BBS9: variants seen among roughly 807,000 people sequenced by gnomAD.
BBS9 encodes Bardet-Biedl syndrome 9.
A neutral mutation model predicts 117.7 loss-of-function variants in BBS9; 89 were observed. The ratio of observed to expected loss-of-function variants is 0.76; its 90% CI spans 0.64 to 0.90. The LOEUF is 0.90. Among genes scored for constraint, BBS9 ranks in the 40% least tolerant of loss-of-function variants. The pLI, the probability that BBS9 is intolerant of heterozygous loss-of-function variation, is 0.00. For synonymous variants in BBS9, 379 were observed against 370.9 expected (o/e 1.02, Z -0.25); for missense variants, 982 against 1,042.2 (o/e 0.94, Z 0.80).
chr7:33,470,297 T>TG (rs1840807076), intron 19 of BBS9, among the ~76,000 whole-genome samples: 1 of 151,732 alleles, frequency 6.6e-6, no homozygotes, highest in African/African-American at 2.4e-5. Flanking sequence ...TTCTTTTTTT[T>TG]TCTCAGATAA....
At chr7:33,146,719 G>T (rs796677740) in intron 2 of BBS9, among the ~76,000 whole-genome samples, 3 of 134,488 alleles carry the variant, frequency 2.2e-5, no homozygotes, top group African/African-American at 8.8e-5. Context: ...AAAAAAAAAA[G>T]AGATAAAAAT....
chr7:33,149,214 T>A (rs748851522), intron 2 of BBS9, among the ~76,000 whole-genome samples: 95 of 152,100 alleles, frequency 6.2e-4, no homozygotes, highest in Non-Finnish European at 1.1e-3. Flanking sequence ...AGAGATGGGA[T>A]CAGGTGTGCA....
At chr7:33,219,887 CTT>C (rs773640544) in intron 5 of BBS9, among the ~76,000 whole-genome samples, 6 of 152,312 alleles carry the variant, frequency 3.9e-5, no homozygotes, top group African/African-American at 4.8e-5. Context: ...ACTGCTCACT[CTT>C]TGGGTCCACA....
At position 33,273,861 on chromosome 7, in the gene BBS9, T is replaced by G. The variant is rs769663141; in HGVS notation, c.921T>G (p.Asn307Lys). The part of the protein sequence containing the change: ...SEGTINTLIG[N>K]HNNMLHIYQD... ...GAACAATAAATACTTTGATTGGAAA[T>G]CATAATAACATGCTGCATATTTATC... Residue 307 changes from asparagine (N) to lysine (K), a missense_variant, in exon 9 of 23, where the codon AAT becomes AAG. Asn to Lys is a moderately conservative substitution (Grantham distance 94). Coordinates refer to ENST00000242067, the MANE Select transcript of BBS9 (RefSeq NM_198428.3). The G allele has an allele frequency of 1.1e-5, 18 of 1,610,594 alleles. No homozygotes were observed. The African/African-American group carries it at 2.3e-4, about 20-fold the overall frequency.
chr7:33,308,868 C>T (rs932519750), intron 9 of BBS9, among the ~76,000 whole-genome samples: 1 of 152,136 alleles, frequency 6.6e-6, no homozygotes, highest in East Asian at 1.9e-4. Context: ...ACCAACTATA[C>T]ACATATGAAA....
intron 20 of BBS9, among the ~76,000 whole-genome samples, chr7:33,526,513 G>C (rs970581493): frequency 3.3e-5 from 5 of 150,904 alleles, no homozygotes; most frequent in African/African-American, 1.2e-4. Flanking sequence ...TTCCATTGCT[G>C]ATACCCTTTC....
intron 9 of BBS9, among the ~76,000 whole-genome samples, chr7:33,278,799 T>C (rs529113572): frequency 1.3e-5 from 2 of 152,302 alleles, no homozygotes; most frequent in Admixed American, 1.3e-4. Flanking sequence ...AGGAGGCTGA[T>C]GAACCATGGG....
chr7:33,624,664 A>G (rs1865559067), intron 21 of BBS9, among the ~76,000 whole-genome samples: 1 of 152,224 alleles, frequency 6.6e-6, no homozygotes, highest in African/African-American at 2.4e-5. Flanking sequence ...GTACTTTATG[A>G]CAGCCACCAA....
chr7:33,546,140 A>G (rs990161761), intron 21 of BBS9, among the ~76,000 whole-genome samples: 8 of 151,812 alleles, frequency 5.3e-5, no homozygotes, highest in South Asian at 4.2e-4. Context: ...TCACTATGTT[A>G]GCCAGGATGG....
chr7:33,282,420 T>C (rs1438928639), intron 9 of BBS9, among the ~76,000 whole-genome samples: 2 of 152,176 alleles, frequency 1.3e-5, no homozygotes, highest in Non-Finnish European at 2.9e-5. Flanking sequence ...TTGCCCAGAC[T>C]GGAGTGCAGT....
At chr7:33,149,317 G>A (rs1254919255) in intron 2 of BBS9, among the ~76,000 whole-genome samples, 1 of 152,154 alleles carries the variant, frequency 6.6e-6, no homozygotes, top group Admixed American at 6.5e-5. Flanking sequence ...AGAGAAATTT[G>A]CAGGTCAAGT....
At chr7:33,257,680 G>C (rs1443099862) in intron 6 of BBS9, among the ~76,000 whole-genome samples, 1 of 152,058 alleles carries the variant, frequency 6.6e-6, no homozygotes, top group Non-Finnish European at 1.5e-5. Context: ...CTCTAAAGGA[G>C]GTAATATAGC....
rs11981364 is a variant in BBS9, at chr7:33,340,986, G to T, written c.1275+13G>T. 449,265 of 1,606,276 alleles carry T rather than the reference G, an allele frequency of 0.28. 65,673 individuals are homozygous for T. Among genetic ancestry groups the T allele is most frequent in the Non-Finnish European group, 0.3 (355,515 of 1,173,334 alleles). On this transcript the variant is annotated intron_variant, in intron 11 of 22. Transcript: ENST00000242067. ...TGATTCAGTTTCTGTAGGTGTACTT[G>T]CAGATTTTAAAGGGGTTTATAAGAG... is the stretch of plus-strand genomic sequence containing the variant.
At chr7:33,442,782 T>C (rs537794552) in intron 19 of BBS9, among the ~76,000 whole-genome samples, 30 of 152,330 alleles carry the variant, frequency 2.0e-4, no homozygotes, top group African/African-American at 7.2e-4. Context: ...TCTCATTAGC[T>C]TGGTGTTTAT....
At chr7:33,524,937 T>C (rs907485160) in intron 20 of BBS9, among the ~76,000 whole-genome samples, 3 of 152,256 alleles carry the variant, frequency 2.0e-5, no homozygotes, top group Non-Finnish European at 1.5e-5. Flanking sequence ...CCAGAGATTC[T>C]GGTATGTTGT....
chr7:33,195,741 G>C (rs1265201891), intron 5 of BBS9, among the ~76,000 whole-genome samples: 3 of 136,080 alleles, frequency 2.2e-5, no homozygotes, highest in Non-Finnish European at 4.8e-5. Flanking sequence ...TTTTCTCTCT[G>C]TGTCCTGTGA....
intron 9 of BBS9, among the ~76,000 whole-genome samples, chr7:33,283,058 A>T (rs1337616632): frequency 6.6e-6 from 1 of 152,176 alleles, no homozygotes; most frequent in East Asian, 1.9e-4. Flanking sequence ...TGATATATCT[A>T]AATGGAGTCA....
chr7:33,261,817 C>T (rs1031712619), intron 6 of BBS9, among the ~76,000 whole-genome samples: 2 of 152,112 alleles, frequency 1.3e-5, no homozygotes, highest in Non-Finnish European at 2.9e-5. Flanking sequence ...GGTGTAGTTG[C>T]GATTAGTGCC....
intron 19 of BBS9, among the ~76,000 whole-genome samples, chr7:33,479,557 G>A (rs1041967788): frequency 2.6e-5 from 4 of 152,110 alleles, no homozygotes; most frequent in African/African-American, 9.7e-5. Flanking sequence ...ATTGTGAATA[G>A]CATTGCAGTG....
Sources: allele counts gnomAD v4.1 joint callset (sites outside exome capture counted in the v4.1 genomes callset), GRCh38; gene constraint gnomAD v4.1.1; transcripts MANE v1.5; gene names NCBI Gene and HGNC (gene_info 2026-07-23, HGNC 2026-07-21).